PURG: variants seen among roughly 807,000 people sequenced by gnomAD.
The protein encoded by PURG is purine-rich element-binding protein gamma.
PURG carries 3 observed loss-of-function variants against 24.3 expected under a neutral mutation model. That is an observed-to-expected ratio of 0.12 (90% CI 0.06 to 0.32). The LOEUF (loss-of-function observed/expected upper bound fraction) is 0.32. Among genes scored for constraint, PURG ranks in the 10% least tolerant of loss-of-function variants. PURG has a pLI of 1.00. For missense variants in PURG, 371 were observed against 439.1 expected, an observed-to-expected ratio of 0.84 and a Z score of 1.39; for synonymous variants, 180 against 173.1, an observed-to-expected ratio of 1.04 and a Z score of -0.31.
chr8:31,021,805 A>G (rs997427792), intron 1 of PURG, among the ~76,000 whole-genome samples: 1 of 152,180 alleles, frequency 6.6e-6, no homozygotes, highest in African/African-American at 2.4e-5. Flanking sequence ...TATAAGGATT[A>G]GGAATAGTAG....
At chr8:31,026,284 T>C (rs1431910254), downstream of PURG, among the ~76,000 whole-genome samples, 2 of 151,690 alleles carry the variant, frequency 1.3e-5, no homozygotes, top group Non-Finnish European at 3.0e-5. Context: ...TTTAATATCC[T>C]GGCACTCCTG....
intron 1 of PURG, among the ~76,000 whole-genome samples, chr8:31,015,390 G>T (rs1489051639): frequency 1.3e-5 from 2 of 151,948 alleles, no homozygotes; most frequent in African/African-American, 4.8e-5. Flanking sequence ...CCAGAAGTGA[G>T]GCATTCAAAG....
At chr8:31,006,541 CA>C (rs1481001283) in intron 1 of PURG, among the ~76,000 whole-genome samples, 1 of 152,058 alleles carries the variant, frequency 6.6e-6, no homozygotes, top group Non-Finnish European at 1.5e-5. Flanking sequence ...AAAACAAAAA[CA>C]AAAACACCCT....
chr8:31,014,296 G>C (rs1031841777), intron 1 of PURG, among the ~76,000 whole-genome samples: 2 of 152,098 alleles, frequency 1.3e-5, no homozygotes, highest in African/African-American at 4.8e-5. Flanking sequence ...AGAAAAGACA[G>C]ATGTTTTTCC....
At position 31,032,753 on chromosome 8, in the gene PURG, G is replaced by A. The variant is rs747416377; in HGVS notation, c.30C>T (p.Gly10=). The change falls in exon 2 of 2, where the codon GGC becomes GGT. Residue 10 remains glycine, a synonymous_variant. Coordinates refer to ENST00000523392, the MANE Select transcript of PURG (RefSeq NM_001323311.2). The surrounding 1 kb of genome is among the most constrained non-coding windows in gnomAD (Gnocchi z 5.9). ...TCTTGCCTCCGCGGCCGCGGCCGCC[G>A]CCGCCTCCCCTTCGCCTGGCTCTTT... MERARRRGG[G]GGRGRGGKNV... is the part of the protein sequence containing the mutation. 2.6e-5 allele frequency: 37 copies of A among 1,434,764 alleles called. No homozygotes were observed. Among genetic ancestry groups the A allele is most frequent in the Non-Finnish European group, 3.4e-5 (37 of 1,090,958 alleles). The allele number at this position is 1,434,764 out of a possible 1,614,324, so 88.9% of individuals were successfully genotyped here. A position where few individuals can be genotyped will look rare whatever the true frequency, so the allele number is the denominator to read the frequency against.
intron 1 of PURG, among the ~76,000 whole-genome samples, chr8:31,010,735 C>A (rs564364156): frequency 6.6e-5 from 10 of 152,020 alleles, no homozygotes; most frequent in Non-Finnish European, 1.2e-4. Context: ...TAAGTGGGGA[C>A]AGTGATATTG....
At chr8:31,023,643 T>C (rs1034504594) in intron 1 of PURG, among the ~76,000 whole-genome samples, 1 of 152,124 alleles carries the variant, frequency 6.6e-6, no homozygotes, top group Non-Finnish European at 1.5e-5. Context: ...TCACCATCCT[T>C]TGACGTTTCT....
At chr8:30,996,006 A>G (rs933980872) in exon 2 of PURG, 2 of 152,048 alleles carry the variant, frequency 1.3e-5, no homozygotes, top group African/African-American at 4.8e-5. Flanking sequence ...AACTGTTAAC[A>G]TGCATCACTG....
intron 1 of PURG, among the ~76,000 whole-genome samples, chr8:30,997,756 AT>A (rs748281990): frequency 1.6e-4 from 24 of 151,822 alleles, no homozygotes; most frequent in Admixed American, 3.9e-4. Flanking sequence ...TGTCAGAAAG[AT>A]GTTAAGGTTT....
intron 1 of PURG, among the ~76,000 whole-genome samples, chr8:31,009,174 C>T (rs1386621233): frequency 6.6e-6 from 1 of 152,156 alleles, no homozygotes; most frequent in African/African-American, 2.4e-5. Flanking sequence ...CTTGTAATCC[C>T]AGCACTTTGG....
rs758563391 is a variant in PURG, at chr8:30,996,385, A to C, written c.*208T>G. 3.9e-5 allele frequency: 15 copies of C among 383,986 alleles called. No homozygotes were observed. In the Middle Eastern group the frequency reaches 4.1e-3, roughly 106 times the overall value. The allele number at this position is 383,986 out of a possible 1,614,324, so 23.8% of individuals were successfully genotyped here. ...TGATGAATTAAAAAAAACAAAACCC[A>C]AAAACTGGATAGAGTCGAAAGGTAC... On this transcript the variant is annotated 3_prime_UTR_variant, in exon 2 of 2. Coordinates refer to the PURG transcript ENST00000339382.
intron 1 of PURG, among the ~76,000 whole-genome samples, chr8:31,003,893 T>C (rs968044644): frequency 4.6e-5 from 7 of 152,356 alleles, no homozygotes; most frequent in Admixed American, 1.3e-4. Context: ...ATTTCAGTCT[T>C]GAAGGTGGAG....
At chr8:31,022,966 G>A (rs937757745) in intron 1 of PURG, among the ~76,000 whole-genome samples, 2 of 152,156 alleles carry the variant, frequency 1.3e-5, no homozygotes, top group Non-Finnish European at 2.9e-5. Context: ...GTTTTGGCAC[G>A]TAGGTGACTT....
At chr8:31,023,394 G>A (rs117143420) in intron 1 of PURG, among the ~76,000 whole-genome samples, 1 of 152,042 alleles carries the variant, frequency 6.6e-6, no homozygotes, top group Non-Finnish European at 1.5e-5. Flanking sequence ...TAAACAAATA[G>A]GCACTAAAAG....
At chr8:31,028,392 T>C (rs1242087680), downstream of PURG, among the ~76,000 whole-genome samples, 1 of 151,836 alleles carries the variant, frequency 6.6e-6, no homozygotes, top group South Asian at 2.1e-4. Flanking sequence ...TTGAAACACA[T>C]CCCACCTGTC....
chr8:31,030,284 T>C (rs1417690385), downstream of PURG, among the ~76,000 whole-genome samples: 1 of 152,016 alleles, frequency 6.6e-6, no homozygotes, highest in Non-Finnish European at 1.5e-5. Flanking sequence ...GAAATCAGTG[T>C]TCTGGCTCTT....
chr8:31,032,009 C>A lies in PURG; in HGVS notation c.774G>T (p.Pro258=), dbSNP rs773670793. The change falls in exon 2 of 2, where the codon CCG becomes CCT. Residue 258 remains proline (P), a synonymous_variant. Transcript: ENST00000523392. The surrounding 1 kb of genome is among the most constrained non-coding windows in gnomAD (Gnocchi z 5.9). ...IEERRGGDDD[P]LELPEGTSFR... is the part of the protein sequence containing the mutation. ...AAGAAGTCCCCTCTGGGAGTTCAAG[C>A]GGGTCATCGTCTCCACCTCTTCGTT... 6 of 1,613,986 alleles carry A rather than the reference C, an allele frequency of 3.7e-6. No individual in the cohort carries two copies. The highest frequency in any genetic ancestry group is 5.1e-6 in the Non-Finnish European group (6 of 1,180,028).
chr8:31,030,173 T>G (rs1811167014), downstream of PURG, among the ~76,000 whole-genome samples: 1 of 151,974 alleles, frequency 6.6e-6, no homozygotes, highest in Admixed American at 6.5e-5. Flanking sequence ...AAAAAATCGC[T>G]GATATAATTT....
At chr8:31,015,650 G>A (rs886474138) in intron 1 of PURG, among the ~76,000 whole-genome samples, 3 of 152,222 alleles carry the variant, frequency 2.0e-5, no homozygotes, top group South Asian at 4.2e-4. Flanking sequence ...TTTAGGAGGC[G>A]GGTGAGAAAC....
Sources: gnomAD v4.1 joint callset for allele counts (sites outside exome capture counted in the v4.1 genomes callset) on GRCh38, gnomAD v4.1.1 for gene constraint, Gnocchi (gnomAD v3.1) non-coding constraint, MANE v1.5 for transcripts, NCBI Gene and HGNC (gene_info 2026-07-23, HGNC 2026-07-21) for gene names.